Variants in NFIA observed in about 807,000 individuals in gnomAD.
The protein encoded by NFIA is nuclear factor 1 A-type.
Under a neutral mutation model 62.8 loss-of-function variants are expected in NFIA, and 8 were observed. That is an observed-to-expected ratio of 0.13 (90% CI 0.07 to 0.23). NFIA has a LOEUF of 0.23. Ranked by LOEUF, NFIA falls within the 10% of genes least tolerant of loss-of-function variation. NFIA has a pLI of 1.00. For missense variants in NFIA, 410 were observed against 642.1 expected (o/e 0.64, Z 3.91); for synonymous variants, 235 against 238.1 (o/e 0.99, Z 0.12).
At chr1:61,358,367 TTTTC>T (rs1388549790) in intron 5 of NFIA, among the ~76,000 whole-genome samples, 1 of 117,350 alleles carries the variant, frequency 8.5e-6, no homozygotes, top group Non-Finnish European at 1.6e-5. Context: ...TTTTCTTTTC[TTTTC>T]TTTCTTTCTT....
At chr1:61,277,286 A>G (rs532287323) in intron 2 of NFIA, among the ~76,000 whole-genome samples, 14 of 152,338 alleles carry the variant, frequency 9.2e-5, no homozygotes, top group South Asian at 2.1e-4. Context: ...GCAAAAGCCA[A>G]TGCCACCGTA....
At chr1:61,169,291 T>A (rs1191128762) in intron 2 of NFIA, among the ~76,000 whole-genome samples, 1 of 152,208 alleles carries the variant, frequency 6.6e-6, no homozygotes, top group African/African-American at 2.4e-5. Context: ...TTTACTCCTT[T>A]TTCCTTCCCA....
intron 10 of NFIA, among the ~76,000 whole-genome samples, chr1:61,431,665 A>G (rs547429085): frequency 6.6e-6 from 1 of 152,352 alleles, no homozygotes; most frequent in Non-Finnish European, 1.5e-5. Flanking sequence ...TTACAAATGT[A>G]TGCACAAGCC....
chr1:61,146,784 G>A (rs1557597355), intron 2 of NFIA, among the ~76,000 whole-genome samples: 2 of 152,202 alleles, frequency 1.3e-5, no homozygotes, highest in African/African-American at 4.8e-5. Flanking sequence ...CCACACAGAA[G>A]ACGTGTGTAA....
At chr1:61,360,121 ATTCTG>A (rs1286774492) in intron 6 of NFIA, among the ~76,000 whole-genome samples, 1 of 152,172 alleles carries the variant, frequency 6.6e-6, no homozygotes, top group Non-Finnish European at 1.5e-5. Flanking sequence ...AACTCTCTTT[ATTCTG>A]ATCTGTACTA....
chr1:61,429,502 C>T (rs1667009030), intron 10 of NFIA, among the ~76,000 whole-genome samples: 1 of 152,190 alleles, frequency 6.6e-6, no homozygotes. Flanking sequence ...GCTCACTTCT[C>T]AGGGATACTA....
At chr1:61,082,461 G>T, upstream of NFIA, 4 of 1,057,420 alleles carry the variant, frequency 3.8e-6, no homozygotes, top group Non-Finnish European at 4.6e-6. Context: ...CAGCTCGCGG[G>T]CACCCGGCCG....
At chr1:61,389,189 C>A (rs1473256850) in intron 7 of NFIA, among the ~76,000 whole-genome samples, 1 of 152,180 alleles carries the variant, frequency 6.6e-6, no homozygotes, top group Non-Finnish European at 1.5e-5. Context: ...ATTGAGATTT[C>A]TTCTCCTAGA....
rs1438962858 is a variant in NFIA at position 61,215,024 on chromosome 1, T to A, written c.560-62496T>A. 2.7e-5 allele frequency among the ~76,000 whole-genome samples: 4 copies of A among 150,936 alleles called. No individual in the cohort carries two copies. In the East Asian group the frequency reaches 7.7e-4, roughly 29 times the overall value. On this transcript the variant is annotated intron_variant, in intron 2 of 10. Transcript: ENST00000403491. ...TATGACAGGACTTCATAGTACCACTTCTTCAACAAAATAAGTGTCTGCAGT... is the reference window on the plus strand; with the variant it reads ...TATGACAGGACTTCATAGTACCACTACTTCAACAAAATAAGTGTCTGCAGT...
chr1:61,196,898 AGTGTGTGTGTGTGTGT>A (rs3030264), intron 2 of NFIA, among the ~76,000 whole-genome samples: 5,469 of 148,514 alleles, frequency 0.037, 102 homozygotes, highest in East Asian at 0.066. Context: ...ACCTTAAAGG[AGTGTGTGTGTGTGTGT>A]GTGTGTGTGT....
chr1:61,161,880 A>G (rs948312849), intron 2 of NFIA, among the ~76,000 whole-genome samples: 11 of 152,216 alleles, frequency 7.2e-5, no homozygotes, highest in Non-Finnish European at 1.5e-4. Context: ...ATGTTTCTGC[A>G]TATAATAATA....
chr1:61,128,478 GTCCTAGCTAT>G (rs1165950315), intron 2 of NFIA, among the ~76,000 whole-genome samples: 2 of 152,062 alleles, frequency 1.3e-5, no homozygotes, highest in African/African-American at 2.4e-5. Flanking sequence ...CATGCTTGTA[GTCCTAGCTAT>G]TAATACGTGG....
upstream of NFIA, among the ~76,000 whole-genome samples, chr1:61,080,204 C>G (rs569033507): frequency 9.9e-5 from 15 of 152,014 alleles, no homozygotes; most frequent in Non-Finnish European, 1.9e-4. Flanking sequence ...CCGCAGAAAG[C>G]TGGAAATCGC....
At chr1:61,370,534 AAT>A (rs1663828430) in intron 6 of NFIA, among the ~76,000 whole-genome samples, 1 of 152,224 alleles carries the variant, frequency 6.6e-6, no homozygotes, top group African/African-American at 2.4e-5. Context: ...ATTAAATATT[AAT>A]ACAATTAATT....
intron 7 of NFIA, among the ~76,000 whole-genome samples, chr1:61,394,482 T>C (rs1293624615): frequency 1.3e-5 from 2 of 152,222 alleles, no homozygotes; most frequent in African/African-American, 4.8e-5. Flanking sequence ...CAATTGCTGC[T>C]ACTATTTAAA....
chr1:61,183,105 A>AT (rs774844214), intron 2 of NFIA, among the ~76,000 whole-genome samples: 4 of 152,152 alleles, frequency 2.6e-5, no homozygotes, highest in Non-Finnish European at 5.9e-5. Context: ...CACAGTGTAT[A>AT]TTTTGGTTCT....
At chr1:61,440,665 CTT>C (rs530161213) in intron 10 of NFIA, among the ~76,000 whole-genome samples, 1 of 146,602 alleles carries the variant, frequency 6.8e-6, no homozygotes, top group East Asian at 2.0e-4. Context: ...CCTCCCGATG[CTT>C]TTTTTTTTCT....
rs1668299672 is a variant in NFIA at position 61,456,374 on chromosome 1, T to TTA, written c.*1054_*1055insTA. 6.8e-6 allele frequency: 1 copy of TTA among 146,388 alleles called. No homozygotes were observed. Among genetic ancestry groups the TTA allele is most frequent in the Non-Finnish European group, 1.5e-5 (1 of 66,528 alleles). 9.1% of individuals were successfully genotyped at this position (146,388 alleles called of 1,614,324 possible). The stretch of plus-strand genomic sequence containing the variant: ...TATCCCTTTAAAAACTGAAGGAAAT[T>TTA]AAAAAAAAAAAACAAAAAAACAAAT... On this transcript the variant is annotated 3_prime_UTR_variant, in exon 11 of 11. Coordinates refer to ENST00000403491, the MANE Select transcript of NFIA (RefSeq NM_001134673.4).
chr1:61,308,917 A>G (rs2100344476), intron 3 of NFIA, among the ~76,000 whole-genome samples: 1 of 152,326 alleles, frequency 6.6e-6, no homozygotes, highest in East Asian at 1.9e-4. Context: ...ACTGAGAACC[A>G]GTGCTGATGT....
Sources: gnomAD v4.1 joint callset for allele counts (sites outside exome capture counted in the v4.1 genomes callset) on GRCh38, gnomAD v4.1.1 for gene constraint, MANE v1.5 for transcripts, NCBI Gene and HGNC (gene_info 2026-07-23, HGNC 2026-07-21) for gene names.